The following STAT4 variants were observed in gnomAD, a reference collection of about 807,000 sequenced individuals.
The protein encoded by STAT4 is signal transducer and activator of transcription 4.
A neutral mutation model predicts 110.5 loss-of-function variants in STAT4; 42 were observed. The observed-to-expected ratio is 0.38, with a 90% CI of 0.30 to 0.49. The LOEUF (loss-of-function observed/expected upper bound fraction) is 0.49. Among genes scored for constraint, STAT4 ranks in the 20% least tolerant of loss-of-function variants. The pLI is 0.95. For synonymous variants in STAT4, 284 were observed against 302.2 expected (o/e 0.94, Z 0.63); for missense variants, 632 against 887.9 (o/e 0.71, Z 3.66).
intron 3 of STAT4, among the ~76,000 whole-genome samples, chr2:191,076,938 T>C (rs1054659215): frequency 1.3e-5 from 2 of 152,126 alleles, no homozygotes; most frequent in Non-Finnish European, 2.9e-5. Flanking sequence ...AAAGTTACTT[T>C]CCTATAAATT....
At chr2:191,081,418 C>T (rs758612297) in intron 3 of STAT4, among the ~76,000 whole-genome samples, 2 of 152,240 alleles carry the variant, frequency 1.3e-5, no homozygotes, top group African/African-American at 4.8e-5. Flanking sequence ...AATTGTCACA[C>T]TGTCTTCCAC....
chr2:191,034,948 C>T (rs1696004238), intron 17 of STAT4, among the ~76,000 whole-genome samples: 1 of 152,118 alleles, frequency 6.6e-6, no homozygotes, highest in Admixed American at 6.5e-5. Context: ...ATGGAGAAGG[C>T]TCACGTTGGA....
Position 191,083,260 on chromosome 2 carries a change from C to T in STAT4, c.274-6935G>A, listed in dbSNP as rs1220801750. On this transcript the variant is annotated intron_variant, in intron 3 of 23. Transcript: ENST00000392320. This position sits in a 1 kb window ranked among gnomAD's most constrained non-coding sequence, Gnocchi z 4.6. ...AGAGAAGGGAGCCAGTAAGGGTGTG[C>T]TGTTAGCCATTTGCTAAGATGGGCT... is the stretch of plus-strand genomic sequence containing the variant. Among the ~76,000 whole-genome samples, 1 of 152,146 alleles carries T rather than the reference C, an allele frequency of 6.6e-6. No homozygotes were observed. Among genetic ancestry groups the T allele is most frequent in the Non-Finnish European group, 1.5e-5 (1 of 68,020 alleles).
At chr2:191,064,782 AG>A in intron 8 of STAT4, 24 bp downstream of exon 8, 1 of 1,602,410 alleles carries the variant, frequency 6.2e-7, no homozygotes, top group South Asian at 1.1e-5. Context: ...GGTTTTCACT[AG>A]AAACTGCAGT....
chr2:191,087,907 A>T (rs890811879), intron 3 of STAT4, among the ~76,000 whole-genome samples: 3 of 152,104 alleles, frequency 2.0e-5, no homozygotes, highest in African/African-American at 7.2e-5. Flanking sequence ...TAAAAAAAAA[A>T]TGTACCAAAA....
At position 191,050,885 on chromosome 2, in the gene STAT4, CAG is replaced by C. The variant is rs1311671684; in HGVS notation, c.1251+3603_1251+3604del. Among the ~76,000 whole-genome samples the C allele has an allele frequency of 6.6e-6, 1 of 152,228 alleles. No homozygotes were observed. Among genetic ancestry groups the C allele is most frequent in the Non-Finnish European group, 1.5e-5 (1 of 68,046 alleles). On this transcript the variant is annotated intron_variant, in intron 14 of 23. Coordinates refer to ENST00000392320, the MANE Select transcript of STAT4 (RefSeq NM_003151.4). This position sits in a 1 kb window ranked among gnomAD's most constrained non-coding sequence, Gnocchi z 4.3. ...CTTCTTGGGTAATCTCAAACAGTCA[CAG>C]GGTGCTGCAAATCTAGGGAGGTCTG... is the stretch of plus-strand genomic sequence containing the variant.
At chr2:191,054,852 G>T (rs1434956352) in intron 13 of STAT4, among the ~76,000 whole-genome samples, 1 of 152,182 alleles carries the variant, frequency 6.6e-6, no homozygotes, top group South Asian at 2.1e-4. Context: ...CGCCTGGAAA[G>T]CATCATTTTA....
intron 1 of STAT4, among the ~76,000 whole-genome samples, 185 bp from the exon 2 acceptor site, chr2:191,148,389 C>T (rs187066858): frequency 6.6e-6 from 1 of 152,136 alleles, no homozygotes; most frequent in East Asian, 1.9e-4. Context: ...TCTTTCTGTG[C>T]CCCTAAACTA....
intron 1 of STAT4, among the ~76,000 whole-genome samples, chr2:191,148,736 T>C (rs1011027559): frequency 6.6e-6 from 1 of 152,242 alleles, no homozygotes; most frequent in African/African-American, 2.4e-5. Flanking sequence ...TCTTGACTTC[T>C]AGTCCAATTT....
chr2:191,076,026 T>C, intron 4 of STAT4: 1 of 487,876 alleles, frequency 2.0e-6, no homozygotes, highest in South Asian at 2.8e-5. Flanking sequence ...ATTTTTAATT[T>C]TTTTTTTTTT....
intron 3 of STAT4, among the ~76,000 whole-genome samples, chr2:191,095,611 G>C (rs1048002295): frequency 6.6e-6 from 1 of 152,186 alleles, no homozygotes; most frequent in Non-Finnish European, 1.5e-5. Context: ...CACATTTAAA[G>C]CAGTGTGTAG....
chr2:191,043,007 G>A lies in STAT4; in HGVS notation c.1252-1859C>T, dbSNP rs1696251346. On this transcript the variant is annotated intron_variant, in intron 14 of 23. Transcript: ENST00000392320. This position sits in a 1 kb window ranked among gnomAD's most constrained non-coding sequence, Gnocchi z 4.8. ...TTGGTCAAGCTGGGCTCGAACTCCC[G>A]ACCTCAGGTGATCCACCCGCCTTGG... Among the ~76,000 whole-genome samples the A allele has an allele frequency of 3.3e-5, 5 of 152,150 alleles. No homozygotes were observed. Among genetic ancestry groups the A allele is most frequent in the South Asian group, 4.1e-4 (2 of 4,826 alleles).
chr2:191,067,323 C>T (rs566498879), intron 6 of STAT4, among the ~76,000 whole-genome samples: 3 of 152,184 alleles, frequency 2.0e-5, no homozygotes, highest in Admixed American at 6.5e-5. Context: ...CCATAGCACA[C>T]GTGAAGTGCT....
intron 8 of STAT4, among the ~76,000 whole-genome samples, 177 bp from the exon 9 acceptor site, chr2:191,063,097 AT>A (rs1337805840): frequency 1.3e-5 from 2 of 152,026 alleles, no homozygotes; most frequent in East Asian, 1.9e-4. Flanking sequence ...TTCCTAACCC[AT>A]TTTTTTCTTG....
At chr2:191,102,307 T>C (rs1443294793) in intron 3 of STAT4, among the ~76,000 whole-genome samples, 1 of 152,170 alleles carries the variant, frequency 6.6e-6, no homozygotes, top group Non-Finnish European at 1.5e-5. Context: ...TTTTACTTCG[T>C]CATTTGTTTT....
chr2:191,149,149 TAAGTC>T (rs969505699), intron 1 of STAT4, among the ~76,000 whole-genome samples: 3 of 152,224 alleles, frequency 2.0e-5, no homozygotes, highest in African/African-American at 4.8e-5. Context: ...TCAGCAATTC[TAAGTC>T]AAGTAAAAAC....
At position 191,039,364 on chromosome 2, in the gene STAT4, C is replaced by A. The variant is rs1696127071; in HGVS notation, c.1336-67G>T. On this transcript the variant is annotated intron_variant, in intron 15 of 23. Coordinates refer to ENST00000392320, the MANE Select transcript of STAT4 (RefSeq NM_003151.4). This position sits in a 1 kb window ranked among gnomAD's most constrained non-coding sequence, Gnocchi z 4.7. The stretch of plus-strand genomic sequence containing the variant: ...CACCTTACATTGATCTTATGCTTGA[C>A]CCTCGCCTCTAAAGGGCCAATCTCA... The A allele has an allele frequency of 1.4e-6, 2 of 1,430,818 alleles. No individual in the cohort carries two copies. Among genetic ancestry groups the A allele is most frequent in the Non-Finnish European group, 9.9e-7 (1 of 1,014,924 alleles). The allele number at this position is 1,430,818 out of a possible 1,614,324, so 88.6% of individuals were successfully genotyped here.
rs1047315804 is a variant in STAT4, at chr2:191,062,337, T to C, written c.941+425A>G. On this transcript the variant is annotated intron_variant, in intron 9 of 23. Coordinates refer to ENST00000392320, the MANE Select transcript of STAT4 (RefSeq NM_003151.4). The surrounding 1 kb of genome is among the most constrained non-coding windows in gnomAD (Gnocchi z 4.9). Reference sequence around the variant, plus strand: ...TCCCAAGGTGCTGAGATTACAGGTGTGAGCCACCATACCTGGCCAAAAATA... The same window carrying C: ...TCCCAAGGTGCTGAGATTACAGGTGCGAGCCACCATACCTGGCCAAAAATA... Among the ~76,000 whole-genome samples, 7 of 152,188 alleles carry C rather than the reference T, an allele frequency of 4.6e-5. No homozygotes were observed. Among genetic ancestry groups the C allele is most frequent in the Non-Finnish European group, 1.0e-4 (7 of 68,026 alleles).
intron 3 of STAT4, among the ~76,000 whole-genome samples, chr2:191,115,674 A>T (rs1225752099): frequency 6.6e-6 from 1 of 152,218 alleles, no homozygotes; most frequent in Non-Finnish European, 1.5e-5. Flanking sequence ...TCCCACAAGC[A>T]AAATCACCAT....
Sources: allele counts gnomAD v4.1 joint callset (sites outside exome capture counted in the v4.1 genomes callset), GRCh38; gene constraint gnomAD v4.1.1; non-coding constraint Gnocchi (gnomAD v3.1); transcripts MANE v1.5; gene names NCBI Gene and HGNC (gene_info 2026-07-23, HGNC 2026-07-21).